ARHGAP29: variants seen among roughly 807,000 people sequenced by gnomAD.
ARHGAP29 encodes Rho GTPase activating protein 29, also known as rho GTPase-activating protein 29.
In ARHGAP29, 43 loss-of-function variants were observed where a neutral mutation model predicts 122.6. The observed-to-expected ratio is 0.35, with a 90% CI of 0.27 to 0.45. The LOEUF is 0.45. Ranked by LOEUF, ARHGAP29 falls within the 20% of genes least tolerant of loss-of-function variation. The probability of loss-of-function intolerance (pLI) is 1.00; values close to 1 mark genes in which losing one functional copy is unlikely to be tolerated. For missense variants in ARHGAP29, 1,303 were observed against 1,477.2 expected, an observed-to-expected ratio of 0.88 and a Z score of 1.93; for synonymous variants, 506 against 497.1, an observed-to-expected ratio of 1.02 and a Z score of -0.24.
At chr1:94,297,330 A>G in the ARHGAP29 span, among the ~76,000 whole-genome samples, 2 of 152,182 alleles carry the variant, frequency 1.3e-5, no homozygotes, top group Admixed American at 6.5e-5. Flanking sequence ...CACACATATT[A>G]TTCAATTCTT....
At chr1:94,242,685 G>A (rs1653645470) in intron 1 of ARHGAP29, among the ~76,000 whole-genome samples, 2 of 146,680 alleles carry the variant, frequency 1.4e-5, no homozygotes, top group Non-Finnish European at 3.0e-5. Flanking sequence ...AAAACAAACA[G>A]CAAAGTAACA....
chr1:94,186,299 T>C (rs986850528), intron 16 of ARHGAP29, among the ~76,000 whole-genome samples, 200 bp downstream of exon 16: 1 of 152,230 alleles, frequency 6.6e-6, no homozygotes, highest in African/African-American at 2.4e-5. Context: ...ATTCTTATAT[T>C]TGTATTTGTA....
chr1:94,205,652 T>C lies in ARHGAP29; in HGVS notation c.542A>G (p.Asp181Gly). The C allele has an allele frequency of 6.2e-7, 1 of 1,612,522 alleles. No homozygotes were observed. The highest frequency in any genetic ancestry group is 8.5e-7 in the Non-Finnish European group (1 of 1,179,268). Residue 181 changes from aspartate (D) to glycine (G), a missense_variant, in exon 6 of 23, where the codon GAC becomes GGC. Coordinates refer to ENST00000260526, the MANE Select transcript of ARHGAP29 (RefSeq NM_004815.4). Reference sequence around the variant, plus strand: ...AGCATTACCTTTTTCACTGGATGAGTCCACTGATTCCACAGAAACATTTTC... The same window carrying C: ...AGCATTACCTTTTTCACTGGATGAGCCCACTGATTCCACAGAAACATTTTC... ...SFENVSVESVDSSSEKGNFSP... is the reference protein window; with the variant it reads ...SFENVSVESVGSSSEKGNFSP...
chr1:94,282,740 T>C, the ARHGAP29 span, among the ~76,000 whole-genome samples: 1 of 152,128 alleles, frequency 6.6e-6, no homozygotes, highest in Admixed American at 6.6e-5. Flanking sequence ...TTCTGGATGA[T>C]GAGAGGGGAA....
chr1:94,270,312 C>T (rs1190279090), intron 1 of ARHGAP29, among the ~76,000 whole-genome samples: 5 of 152,338 alleles, frequency 3.3e-5, no homozygotes, highest in Admixed American at 1.3e-4. Flanking sequence ...CTTACCTTCT[C>T]TACTCATTAG....
the ARHGAP29 span, among the ~76,000 whole-genome samples, chr1:94,307,694 T>TAACAAATGGTGTTG: frequency 3.3e-5 from 5 of 152,202 alleles, no homozygotes; most frequent in African/African-American, 1.2e-4. Context: ...ATAGGATATT[T>TAACAAATGGTGTTG]AACAAATGGT....
At chr1:94,224,791 C>T (rs779342495) in intron 2 of ARHGAP29, among the ~76,000 whole-genome samples, 1 of 152,146 alleles carries the variant, frequency 6.6e-6, no homozygotes, top group African/African-American at 2.4e-5. Context: ...GGTGGCAGCA[C>T]AAATGGTCTA....
the ARHGAP29 span, among the ~76,000 whole-genome samples, chr1:94,300,602 A>G: frequency 1.3e-5 from 2 of 152,216 alleles, no homozygotes; most frequent in African/African-American, 4.8e-5. Context: ...ATCTTCATAG[A>G]ATGTAATACA....
intron 1 of ARHGAP29, among the ~76,000 whole-genome samples, chr1:94,265,288 G>T (rs1259897860): frequency 6.6e-6 from 1 of 152,216 alleles, no homozygotes; most frequent in Non-Finnish European, 1.5e-5. Context: ...ACCGGGTCTG[G>T]CTTCCCTGTG....
At chr1:94,308,033 T>G in the ARHGAP29 span, among the ~76,000 whole-genome samples, 1 of 152,192 alleles carries the variant, frequency 6.6e-6, no homozygotes, top group Non-Finnish European at 1.5e-5. Flanking sequence ...TTAATGCATC[T>G]TTTTATCTTT....
At chr1:94,305,199 AC>A in the ARHGAP29 span, among the ~76,000 whole-genome samples, 1 of 152,198 alleles carries the variant, frequency 6.6e-6, no homozygotes, top group African/African-American at 2.4e-5. Flanking sequence ...TCCTCTGTGG[AC>A]CATGTAAGGG....
rs1169067941 is a variant in ARHGAP29 at position 94,172,458 on chromosome 1, C to T, written c.*1411G>A. The T allele has an allele frequency of 6.6e-6, 1 of 152,042 alleles. No homozygotes were observed. Among genetic ancestry groups the T allele is most frequent in the Non-Finnish European group, 1.5e-5 (1 of 68,010 alleles). 9.4% of individuals were successfully genotyped at this position (152,042 alleles called of 1,614,324 possible). A position where few individuals can be genotyped will look rare whatever the true frequency, so the allele number is the denominator to read the frequency against. ...CTTTACATCACATAGAACTATAAAA[C>T]AGGTTTCCATAAAATTCATTCCACA... is the stretch of plus-strand genomic sequence containing the variant. On this transcript the variant is annotated 3_prime_UTR_variant, in exon 23 of 23. Transcript: ENST00000260526.
chr1:94,178,227 G>C, intron 20 of ARHGAP29, 60 bp from the exon 21 acceptor site: 1 of 1,498,704 alleles, frequency 6.7e-7, no homozygotes, highest in South Asian at 1.3e-5. Context: ...CTTGACTGTA[G>C]TTTACTATGG....
chr1:94,234,519 T>TA, intron 1 of ARHGAP29, among the ~76,000 whole-genome samples: 1 of 152,342 alleles, frequency 6.6e-6, no homozygotes, highest in East Asian at 1.9e-4. Context: ...TTATAATTTT[T>TA]AAAGTTTGTT....
chr1:94,199,817 G>A (rs1402098484), intron 12 of ARHGAP29, among the ~76,000 whole-genome samples: 2 of 152,034 alleles, frequency 1.3e-5, no homozygotes, highest in Non-Finnish European at 2.9e-5. Context: ...GGCCCTGTGT[G>A]GATTGACATG....
rs1570634573 is a variant in ARHGAP29, at chr1:94,274,981, T to C, written c.-33+31A>G. 1.3e-5 allele frequency: 2 copies of C among 152,204 alleles called. 1 individual carries two copies. Among genetic ancestry groups the C allele is most frequent in the Non-Finnish European group, 2.9e-5 (2 of 68,038 alleles). 9.4% of individuals were successfully genotyped at this position (152,204 alleles called of 1,614,324 possible). ...AATCCTGACCCTCTCTAAGAGGCCATAGTGCTCAAACTCAGTTGTCATCTA... is the reference window on the plus strand; with the variant it reads ...AATCCTGACCCTCTCTAAGAGGCCACAGTGCTCAAACTCAGTTGTCATCTA... On this transcript the variant is annotated intron_variant and NMD_transcript_variant, in intron 1 of 25. Coordinates refer to the ARHGAP29 transcript ENST00000552844.
chr1:94,177,653 C>T lies in ARHGAP29; in HGVS notation c.2864G>A (p.Arg955His), dbSNP rs113546321. Residue 955 changes from arginine to histidine, a missense_variant, in exon 22 of 23, where the codon CGC becomes CAC. Arg to His is a conservative substitution (Grantham distance 29, BLOSUM62 0). Coordinates refer to ENST00000260526, the MANE Select transcript of ARHGAP29 (RefSeq NM_004815.4). ...ACATTTTCCTAACGCATTTTGCTTG[C>T]GTTCTGATTCCTCAAATGATGTAGC... The part of the protein sequence containing the change: ...ERATSFEESE[R>H]KQNALGKCDA... 475 of 1,613,220 alleles carry T rather than the reference C, an allele frequency of 2.9e-4. 2 individuals carry two copies. The highest frequency in any genetic ancestry group is 2.3e-3 in the African/African-American group (174 of 74,900).
At chr1:94,198,765 C>T (rs1223208226) in intron 12 of ARHGAP29, among the ~76,000 whole-genome samples, 1 of 152,032 alleles carries the variant, frequency 6.6e-6, no homozygotes, top group Non-Finnish European at 1.5e-5. Flanking sequence ...GTCAATGCTC[C>T]CCAGTCTGAT....
intron 19 of ARHGAP29, among the ~76,000 whole-genome samples, chr1:94,181,633 A>G (rs950582035): frequency 6.6e-6 from 1 of 152,190 alleles, no homozygotes; most frequent in Non-Finnish European, 1.5e-5. Flanking sequence ...CCTACTATAA[A>G]GCTCAAGGTC....
Sources: gnomAD v4.1 joint callset for allele counts (sites outside exome capture counted in the v4.1 genomes callset) on GRCh38, gnomAD v4.1.1 for gene constraint, MANE v1.5 for transcripts, NCBI Gene and HGNC (gene_info 2026-07-23, HGNC 2026-07-21) for gene names.